The following POU6F2 variants were observed in gnomAD, a reference collection of about 807,000 sequenced individuals.
The protein encoded by POU6F2 is POU class 6 homeobox 2.
POU6F2 carries 31 observed loss-of-function variants against 71.3 expected under a neutral mutation model. The observed-to-expected ratio is 0.43, with a 90% confidence interval of 0.33 to 0.59. The LOEUF is 0.59. Ranked by LOEUF, POU6F2 falls within the 20% of genes least tolerant of loss-of-function variation. The pLI is 0.04. For missense variants in POU6F2, 783 were observed against 856.8 expected (o/e 0.91, Z 1.07); for synonymous variants, 347 against 355.7 (o/e 0.98, Z 0.27).
At chr7:39,448,049 A>T (rs1788565695) in intron 7 of POU6F2, among the ~76,000 whole-genome samples, 2 of 152,206 alleles carry the variant, frequency 1.3e-5, no homozygotes, top group Admixed American at 1.3e-4. Context: ...TAAGCACAAA[A>T]TTTCTAAAGA....
intron 2 of POU6F2, among the ~76,000 whole-genome samples, chr7:39,107,047 T>TTTTTTTTC (rs1228194175): frequency 6.7e-6 from 1 of 149,968 alleles, no homozygotes; most frequent in East Asian, 1.9e-4. Context: ...TTCTTTTTTT[T>TTTTTTTTC]TTTTTTTCTT....
intron 5 of POU6F2, among the ~76,000 whole-genome samples, chr7:39,402,354 A>G (rs1292151187): frequency 2.0e-5 from 3 of 152,214 alleles, no homozygotes; most frequent in African/African-American, 7.2e-5. Context: ...AGCACCAAAT[A>G]TCCATATTGA....
chr7:39,051,424 A>G (rs1280097896), intron 1 of POU6F2, among the ~76,000 whole-genome samples: 1 of 152,092 alleles, frequency 6.6e-6, no homozygotes, highest in Non-Finnish European at 1.5e-5. Context: ...TCGAAAATCT[A>G]CTTGTTACTT....
At chr7:38,986,720 A>G (rs1788473054) in intron 1 of POU6F2, among the ~76,000 whole-genome samples, 1 of 152,176 alleles carries the variant, frequency 6.6e-6, no homozygotes, top group Non-Finnish European at 1.5e-5. Context: ...ATAGCACAGA[A>G]TAATATAAAG....
At chr7:39,388,125 T>C (rs1786986014) in intron 5 of POU6F2, among the ~76,000 whole-genome samples, 1 of 152,212 alleles carries the variant, frequency 6.6e-6, no homozygotes, top group African/African-American at 2.4e-5. Flanking sequence ...AAAGCAGAAT[T>C]GACCATGTAT....
chr7:39,446,201 G>T (rs1211580526), intron 7 of POU6F2, among the ~76,000 whole-genome samples: 3 of 152,218 alleles, frequency 2.0e-5, no homozygotes, highest in Non-Finnish European at 4.4e-5. Context: ...GACCCCTCTG[G>T]GTTGTATTCA....
chr7:39,122,374 C>T (rs975904432), intron 2 of POU6F2, among the ~76,000 whole-genome samples: 3 of 152,230 alleles, frequency 2.0e-5, no homozygotes, highest in Non-Finnish European at 4.4e-5. Flanking sequence ...CTCTGTGAAA[C>T]TTGGACAAGT....
At chr7:39,256,203 T>C (rs149793764) in intron 4 of POU6F2, among the ~76,000 whole-genome samples, 1 of 152,192 alleles carries the variant, frequency 6.6e-6, no homozygotes, top group Non-Finnish European at 1.5e-5. Context: ...CCTTGTTATA[T>C]GTATGCATCT....
chr7:39,184,928 A>G (rs1028740554), intron 2 of POU6F2, among the ~76,000 whole-genome samples: 2 of 152,230 alleles, frequency 1.3e-5, no homozygotes, highest in African/African-American at 4.8e-5. Flanking sequence ...AAAGTTAGAT[A>G]TACAAGCAAG....
At chr7:39,285,417 C>T (rs10807900) in intron 4 of POU6F2, among the ~76,000 whole-genome samples, 60,423 of 152,126 alleles carry the variant, frequency 0.4, 13,406 homozygotes, top group Admixed American at 0.57. Context: ...CTGCCCAACT[C>T]ACCCACTAGC....
chr7:39,398,961 G>A (rs377052449), intron 5 of POU6F2, among the ~76,000 whole-genome samples: 48 of 152,126 alleles, frequency 3.2e-4, no homozygotes, highest in African/African-American at 1.1e-3. Context: ...AGCTAACTAC[G>A]GGCAGCCTCA....
chr7:39,364,028 C>T (rs1018605430), intron 5 of POU6F2, among the ~76,000 whole-genome samples: 1 of 152,034 alleles, frequency 6.6e-6, no homozygotes, highest in Non-Finnish European at 1.5e-5. Flanking sequence ...ACAGAAACTT[C>T]CTATTTATAT....
At chr7:39,091,864 C>T (rs1181130104) in intron 2 of POU6F2, among the ~76,000 whole-genome samples, 1 of 152,192 alleles carries the variant, frequency 6.6e-6, no homozygotes, top group African/African-American at 2.4e-5. Flanking sequence ...TATGAGACAG[C>T]CAACAGTTAA....
chr7:39,259,417 A>C (rs1420076789), intron 4 of POU6F2, among the ~76,000 whole-genome samples: 2 of 152,140 alleles, frequency 1.3e-5, no homozygotes, highest in Non-Finnish European at 2.9e-5. Flanking sequence ...GAACAGAGAG[A>C]AAAACAAAAT....
intron 1 of POU6F2, among the ~76,000 whole-genome samples, chr7:38,980,325 A>C (rs1788285638): frequency 6.6e-6 from 1 of 152,222 alleles, no homozygotes; most frequent in Admixed American, 6.5e-5. Flanking sequence ...AAATTGAAAC[A>C]GTAAGTATTT....
chr7:39,265,126 A>G (rs1366946221), intron 4 of POU6F2, among the ~76,000 whole-genome samples: 1 of 152,174 alleles, frequency 6.6e-6, no homozygotes, highest in Non-Finnish European at 1.5e-5. Context: ...TTTATAGAAA[A>G]TATAAAGATA....
chr7:39,345,846 G>A (rs1301979446), intron 5 of POU6F2, among the ~76,000 whole-genome samples: 1 of 152,164 alleles, frequency 6.6e-6, no homozygotes, highest in Non-Finnish European at 1.5e-5. Flanking sequence ...GAATGCTTTT[G>A]TATGCTATAA....
intron 8 of POU6F2, among the ~76,000 whole-genome samples, chr7:39,456,048 T>C (rs1007017989): frequency 6.6e-6 from 1 of 152,200 alleles, no homozygotes; most frequent in Admixed American, 6.5e-5. Context: ...TTGCTATTAC[T>C]TTCTGGCCCT....
intron 6 of POU6F2, among the ~76,000 whole-genome samples, chr7:39,427,642 C>T (rs1309880866): frequency 1.3e-5 from 2 of 152,072 alleles, no homozygotes; most frequent in Non-Finnish European, 2.9e-5. Flanking sequence ...AATCTCTTGA[C>T]CAAAATGTGC....
Sources: allele counts gnomAD v4.1 joint callset (sites outside exome capture counted in the v4.1 genomes callset), GRCh38; gene constraint gnomAD v4.1.1; transcripts MANE v1.5; gene names NCBI Gene and HGNC (gene_info 2026-07-23, HGNC 2026-07-21).